The following WDR37 variants were observed in gnomAD, a reference collection of about 807,000 sequenced individuals.
WDR37 encodes WD repeat-containing protein 37.
In WDR37, 19 loss-of-function variants were observed where a neutral mutation model predicts 62.9. The observed-to-expected ratio is 0.30, with a 90% CI of 0.21 to 0.44. The LOEUF is 0.44. Among genes scored for constraint, WDR37 ranks in the 20% least tolerant of loss-of-function variants. WDR37 has a pLI of 1.00. For missense variants in WDR37, 474 were observed against 657.6 expected (o/e 0.72, Z 3.05); for synonymous variants, 250 against 260.9 (o/e 0.96, Z 0.40).
chr10:1,068,252 C>T (rs978863071), intron 1 of WDR37, among the ~76,000 whole-genome samples: 4 of 151,832 alleles, frequency 2.6e-5, no homozygotes, highest in African/African-American at 4.8e-5. Flanking sequence ...GAGGCTGAGG[C>T]GGGTGGATCA....
intron 2 of WDR37, among the ~76,000 whole-genome samples, chr10:1,073,974 G>A (rs960121467): frequency 6.6e-6 from 1 of 152,230 alleles, no homozygotes; most frequent in East Asian, 1.9e-4. Flanking sequence ...AGAGCTATGC[G>A]GCAGGACTCC....
rs1163305817 is a variant in WDR37 at position 1,132,286 on chromosome 10, A to G, written c.*2942A>G. 2.0e-5 allele frequency: 3 copies of G among 152,222 alleles called. No homozygotes were observed. The highest frequency in any genetic ancestry group is 7.2e-5 in the African/African-American group (3 of 41,454). 9.4% of individuals were successfully genotyped at this position (152,222 alleles called of 1,614,324 possible). A position where few individuals can be genotyped will look rare whatever the true frequency, so the allele number is the denominator to read the frequency against. ...GAGCTAGAAATTGAACAAATATAAT[A>G]CTGGTCACTCGAAAAATTTTTAGAC... On this transcript the variant is annotated 3_prime_UTR_variant, in exon 14 of 14. Transcript: ENST00000263150.
chr10:1,092,732 G>C (rs1834436681), intron 7 of WDR37, among the ~76,000 whole-genome samples: 2 of 151,734 alleles, frequency 1.3e-5, no homozygotes. Flanking sequence ...CTAGTCAGGT[G>C]TGGTGGTACA....
chr10:1,091,625 G>C (rs1259442058), intron 7 of WDR37, among the ~76,000 whole-genome samples: 1 of 152,202 alleles, frequency 6.6e-6, no homozygotes, highest in Non-Finnish European at 1.5e-5. Context: ...AGAGTGACAG[G>C]AGTCAGCTCT....
At chr10:1,122,447 G>A (rs190993229) in intron 11 of WDR37, among the ~76,000 whole-genome samples, 1 of 152,300 alleles carries the variant, frequency 6.6e-6, no homozygotes, top group Admixed American at 6.5e-5. Context: ...TGCGTCTCAG[G>A]ATCTGCCCAC....
chr10:1,098,104 G>T (rs1834654697), intron 9 of WDR37, among the ~76,000 whole-genome samples: 1 of 152,182 alleles, frequency 6.6e-6, no homozygotes, highest in African/African-American at 2.4e-5. Context: ...TCAACTGAAT[G>T]TCTCCGTCCC....
At position 1,092,872 on chromosome 10, in the gene WDR37, C is replaced by CAAAAAAAAAAAAAAAAAAA. The variant is rs56220560; in HGVS notation, c.605-572_605-554dup. On this transcript the variant is annotated intron_variant, in intron 7 of 13. Coordinates refer to ENST00000263150, the MANE Select transcript of WDR37 (RefSeq NM_014023.4). ...GCAACCAGAGCAAGACCCTATCTCA[C>CAAAAAAAAAAAAAAAAAAA]AAAAAAAAAAAAAAAAAAAAAAAAA... 1.3e-3 allele frequency among the ~76,000 whole-genome samples: 56 copies of CAAAAAAAAAAAAAAAAAAA among 41,978 alleles called. 2 individuals carry two copies. The highest frequency in any genetic ancestry group is 1.6e-3 in the African/African-American group (19 of 11,844). The allele number at this position is 41,978 out of a possible 152,430, so 27.5% of individuals were successfully genotyped here.
chr10:1,082,182 T>C (rs1278859654), intron 5 of WDR37, among the ~76,000 whole-genome samples: 1 of 152,168 alleles, frequency 6.6e-6, no homozygotes, highest in Non-Finnish European at 1.5e-5. Context: ...GTGTGGATTC[T>C]TGGTGCCAAA....
chr10:1,064,675 A>G (rs974952910), intron 1 of WDR37, among the ~76,000 whole-genome samples: 5 of 141,816 alleles, frequency 3.5e-5, no homozygotes, highest in Non-Finnish European at 7.5e-5. Context: ...AGCTCACTAC[A>G]ACCTCTGCCT....
intron 9 of WDR37, among the ~76,000 whole-genome samples, chr10:1,102,277 G>GTTGCTGTGCGT (rs1377091451): frequency 6.6e-6 from 1 of 151,672 alleles, no homozygotes; most frequent in African/African-American, 2.4e-5. Flanking sequence ...GCGTTCCCGT[G>GTTGCTGTGCGT]CCGCTGTGCG....
chr10:1,084,530 C>G lies in WDR37; in HGVS notation c.524C>G (p.Ala175Gly). The G allele has an allele frequency of 6.2e-7, 1 of 1,613,932 alleles. No individual in the cohort carries two copies. The highest frequency in any genetic ancestry group is 8.5e-7 in the Non-Finnish European group (1 of 1,179,808). The change falls in exon 6 of 14, where the codon GCA becomes GGA. Residue 175 changes from alanine (A) to glycine (G), a missense_variant. By Grantham distance (60) the Ala-to-Gly change is moderately conservative. Transcript: ENST00000263150. ...AKTQPVVLGT[A>G]SADHTALLWS... is the part of the protein sequence containing the mutation. ...ACACAGCCAGTGGTGCTCGGGACTGCATCAGCCGGTGAGTCGCACACGGAC... is the reference window on the plus strand; with the variant it reads ...ACACAGCCAGTGGTGCTCGGGACTGGATCAGCCGGTGAGTCGCACACGGAC...
chr10:1,107,122 C>T (rs1402710041), intron 11 of WDR37, among the ~76,000 whole-genome samples: 5 of 152,260 alleles, frequency 3.3e-5, no homozygotes, highest in Non-Finnish European at 7.3e-5. Flanking sequence ...TGAGCTCCGC[C>T]ACATGGGCCT....
intron 7 of WDR37, among the ~76,000 whole-genome samples, chr10:1,092,048 C>T (rs1408557607): frequency 3.3e-5 from 5 of 151,458 alleles, no homozygotes; most frequent in Non-Finnish European, 5.9e-5. Context: ...GGCGTGTTGG[C>T]GGGCGCCTGT....
In WDR37 at chr10:1,086,268, T is replaced by G; in HGVS notation, c.533-18T>G. The G allele has an allele frequency of 1.2e-6, 2 of 1,612,340 alleles. No individual in the cohort carries two copies. The highest frequency in any genetic ancestry group is 2.2e-5 in the South Asian group (2 of 90,914). On this transcript the variant is annotated intron_variant, in intron 6 of 13. Coordinates refer to ENST00000263150, the MANE Select transcript of WDR37 (RefSeq NM_014023.4). ...CTGATGATAGCTAAGTTCCGACTTC[T>G]TCATTTCCATCTTGCAGATCACACG...
At chr10:1,065,685 T>A (rs976622264) in intron 1 of WDR37, among the ~76,000 whole-genome samples, 1 of 152,152 alleles carries the variant, frequency 6.6e-6, no homozygotes, top group African/African-American at 2.4e-5. Flanking sequence ...CGTTTTCAAC[T>A]TGATAAACAG....
At chr10:1,111,644 CTG>C (rs1835221514) in intron 11 of WDR37, among the ~76,000 whole-genome samples, 1 of 152,184 alleles carries the variant, frequency 6.6e-6, no homozygotes, top group South Asian at 2.1e-4. Context: ...TCTTTCCACT[CTG>C]TGTTGTGGCA....
intron 6 of WDR37, 136 bp from the exon 7 acceptor site, chr10:1,086,150 G>C (rs1276840465): frequency 2.9e-6 from 2 of 681,058 alleles, no homozygotes. Context: ...AGCATACAGA[G>C]TAATAGAATC....
At chr10:1,110,597 G>C (rs964439877) in intron 11 of WDR37, among the ~76,000 whole-genome samples, 9 of 152,246 alleles carry the variant, frequency 5.9e-5, no homozygotes, top group Admixed American at 5.9e-4. Flanking sequence ...ACCTGGGTGA[G>C]GTCCGGGGTG....
In WDR37 at chr10:1,132,086, A is replaced by G. The variant is rs1168968334; in HGVS notation, c.*2742A>G. 1 of 152,664 alleles carries G rather than the reference A, an allele frequency of 6.6e-6. No homozygotes were observed. Among genetic ancestry groups the G allele is most frequent in the Non-Finnish European group, 1.5e-5 (1 of 68,036 alleles). The allele number at this position is 152,664 out of a possible 1,614,324, so 9.5% of individuals were successfully genotyped here. A position where few individuals can be genotyped will look rare whatever the true frequency, so the allele number is the denominator to read the frequency against. On this transcript the variant is annotated 3_prime_UTR_variant, in exon 14 of 14. Transcript: ENST00000263150. ...CATGGAATCAGTTTTTATTGTATCG[A>G]TATAATTGTCTCTAAGTGTTGACTG...
Sources: allele counts gnomAD v4.1 joint callset (sites outside exome capture counted in the v4.1 genomes callset), GRCh38; gene constraint gnomAD v4.1.1; transcripts MANE v1.5; gene names NCBI Gene and HGNC (gene_info 2026-07-23, HGNC 2026-07-21).